COL9A1: variants seen among roughly 807,000 people sequenced by gnomAD.
The protein encoded by COL9A1 is collagen alpha-1(IX) chain.
In COL9A1, 104 loss-of-function variants were observed where a neutral mutation model predicts 142.6. The ratio of observed to expected loss-of-function variants is 0.73; its 90% CI spans 0.62 to 0.86. The LOEUF is 0.86. COL9A1 is among the 40% of genes least tolerant of loss of function. The pLI is 0.00. For synonymous variants in COL9A1, 466 were observed against 396.0 expected, an observed-to-expected ratio of 1.18 and a Z score of -2.10; for missense variants, 1,210 against 1,176.6, an observed-to-expected ratio of 1.03 and a Z score of -0.42.
At position 70,294,186 on chromosome 6, in the gene COL9A1, T is replaced by G. The variant is rs1205720905; in HGVS notation, c.677A>C (p.Asn226Thr). 1 of 1,613,892 alleles carries G rather than the reference T, an allele frequency of 6.2e-7. No homozygotes were observed. The highest frequency in any genetic ancestry group is 8.5e-7 in the Non-Finnish European group (1 of 1,179,924). Residue 226 changes from asparagine to threonine, a missense_variant, in exon 5 of 38, where the codon AAT becomes ACT. Coordinates refer to ENST00000357250, the MANE Select transcript of COL9A1 (RefSeq NM_001851.6). ...ACTTACTGGAACAGAAACTTGAGGA[T>G]TATCTGCAAGTTTTCCCAGCACAGC... is the stretch of plus-strand genomic sequence containing the variant. ...GFAVLGKLAD[N>T]PQVSVPFELQ...
Position 70,217,086 on chromosome 6 carries a change from AAC to A in COL9A1, c.2582-7_2582-6del, listed in dbSNP as rs773034538. ...AGCTGGCAGGGCCTGGGTCACCTGA[AAC>A]ACACAGAAGATTGCACATGTGAACA... On this transcript the variant is annotated splice_polypyrimidine_tract_variant and splice_region_variant and intron_variant, in intron 37 of 37. Coordinates refer to ENST00000357250, the MANE Select transcript of COL9A1 (RefSeq NM_001851.6). 8.1e-6 allele frequency: 13 copies of A among 1,613,802 alleles called. No homozygotes were observed. Among genetic ancestry groups the A allele is most frequent in the Non-Finnish European group, 1.1e-5 (13 of 1,179,986 alleles).
chr6:70,259,932 C>T (rs1168569717), intron 20 of COL9A1, among the ~76,000 whole-genome samples: 1 of 152,012 alleles, frequency 6.6e-6, no homozygotes, highest in African/African-American at 2.4e-5. Context: ...GCTCATGGAT[C>T]AGCTTGCAGG....
At chr6:70,288,812 T>C in intron 5 of COL9A1, among the ~76,000 whole-genome samples, 1 of 152,156 alleles carries the variant, frequency 6.6e-6, no homozygotes, top group East Asian at 1.9e-4. Context: ...AATATCCTGC[T>C]TCATTTTTCC....
At chr6:70,269,506 G>T in intron 16 of COL9A1, 127 bp downstream of exon 16, 1 of 714,448 alleles carries the variant, frequency 1.4e-6, no homozygotes, top group Middle Eastern at 2.4e-4. Flanking sequence ...AGACTGCTCT[G>T]CCATTTGAGT....
At chr6:70,280,081 AT>A in intron 10 of COL9A1, 2 of 671,626 alleles carry the variant, frequency 3.0e-6, no homozygotes, top group South Asian at 1.7e-5. Context: ...TCCTGAAGTC[AT>A]TTTACTCTGA....
chr6:70,286,660 T>C (rs535383470), intron 5 of COL9A1, among the ~76,000 whole-genome samples: 1 of 152,336 alleles, frequency 6.6e-6, no homozygotes, highest in South Asian at 2.1e-4. Flanking sequence ...AATGTTAGTT[T>C]ATACCATCAT....
intron 4 of COL9A1, among the ~76,000 whole-genome samples, chr6:70,298,599 G>C (rs1185295542): frequency 6.6e-6 from 1 of 152,122 alleles, no homozygotes; most frequent in Non-Finnish European, 1.5e-5. Flanking sequence ...GACAGCTCTA[G>C]ACAACAACGA....
At chr6:70,269,444 A>G (rs1772251461) in intron 16 of COL9A1, among the ~76,000 whole-genome samples, 189 bp downstream of exon 16, 1 of 152,240 alleles carries the variant, frequency 6.6e-6, no homozygotes, top group Admixed American at 6.5e-5. Flanking sequence ...TACATCTATA[A>G]TGAAAAATTA....
intron 5 of COL9A1, among the ~76,000 whole-genome samples, chr6:70,291,592 A>G (rs1051886181): frequency 6.6e-6 from 1 of 152,184 alleles, no homozygotes; most frequent in Non-Finnish European, 1.5e-5. Context: ...CAATATTTAC[A>G]TACTCAATGA....
intron 20 of COL9A1, among the ~76,000 whole-genome samples, chr6:70,259,721 T>C (rs1178345866): frequency 6.6e-6 from 1 of 152,136 alleles, no homozygotes; most frequent in Non-Finnish European, 1.5e-5. Context: ...CTCTTTTGCT[T>C]GCATTGTAGT....
Position 70,300,326 on chromosome 6 carries a change from C to T in COL9A1, c.149G>A (p.Gly50Asp). 1 of 1,613,622 alleles carries T rather than the reference C, an allele frequency of 6.2e-7. No individual in the cohort carries two copies. Among genetic ancestry groups the T allele is most frequent in the Non-Finnish European group, 8.5e-7 (1 of 1,179,732 alleles). Residue 50 changes from glycine to aspartate, a missense_variant, in exon 3 of 38, where the codon GGC becomes GAC. Physicochemically the swap from Gly to Asp is moderately conservative, Grantham distance 94. Coordinates refer to ENST00000357250, the MANE Select transcript of COL9A1 (RefSeq NM_001851.6). Reference sequence around the variant, plus strand: ...CTACTCACCTGGTAAGTCATCTTGGCCAATCCTGATCTTTGGACAGAGTTC... The same window carrying T: ...CTACTCACCTGGTAAGTCATCTTGGTCAATCCTGATCTTTGGACAGAGTTC... ...GNELCPKIRI[G>D]QDDLPGFDLI... is the part of the protein sequence containing the mutation.
At chr6:70,264,302 A>G (rs1010165350) in intron 18 of COL9A1, among the ~76,000 whole-genome samples, 10 of 152,092 alleles carry the variant, frequency 6.6e-5, no homozygotes, top group African/African-American at 2.2e-4. Context: ...CTAGGACTGC[A>G]TTAAATTAAT....
intron 37 of COL9A1, among the ~76,000 whole-genome samples, chr6:70,224,280 C>T (rs1055811932): frequency 1.3e-5 from 2 of 152,100 alleles, no homozygotes; most frequent in Non-Finnish European, 2.9e-5. Context: ...CTGTGTGCCC[C>T]GTTTGCGCCC....
At chr6:70,287,699 C>T (rs1478390635) in intron 5 of COL9A1, among the ~76,000 whole-genome samples, 1 of 152,208 alleles carries the variant, frequency 6.6e-6, no homozygotes, top group African/African-American at 2.4e-5. Context: ...TGGGTCTTTT[C>T]TCAAGATCAC....
At position 70,242,698 on chromosome 6, in the gene COL9A1, T is replaced by C; in HGVS notation, c.1890A>G (p.Leu630=). The change falls in exon 29 of 38, where the codon TTA becomes TTG. Residue 630 remains leucine (L), a synonymous_variant. Coordinates refer to ENST00000357250, the MANE Select transcript of COL9A1 (RefSeq NM_001851.6). Reference sequence around the variant, plus strand: ...GTAGGCCTGGGGATCCCACTGGTCCTAATTCTCCTCTACTGCCCTGTAAAA... The same window carrying C: ...GTAGGCCTGGGGATCCCACTGGTCCCAATTCTCCTCTACTGCCCTGTAAAA... ...PQGLPGSRGE[L]GPVGSPGLPG... 1 of 1,614,198 alleles carries C rather than the reference T, an allele frequency of 6.2e-7. No individual in the cohort carries two copies. The highest frequency in any genetic ancestry group is 8.5e-7 in the Non-Finnish European group (1 of 1,180,000).
At chr6:70,283,205 G>C (rs1460998065) in intron 6 of COL9A1, 3 of 1,467,476 alleles carry the variant, frequency 2.0e-6, no homozygotes, top group Non-Finnish European at 2.7e-6. Context: ...CCCGGGAGGC[G>C]CGCGTTCCCC....
chr6:70,271,590 G>T, intron 14 of COL9A1, 65 bp downstream of exon 14: 2 of 1,459,360 alleles, frequency 1.4e-6, no homozygotes, highest in Non-Finnish European at 9.6e-7. Flanking sequence ...AGGGTAATTT[G>T]CTTTCCCAAA....
At chr6:70,279,907 A>G (rs1292967435) in intron 10 of COL9A1, 2 of 537,770 alleles carry the variant, frequency 3.7e-6, no homozygotes, top group Non-Finnish European at 3.5e-6. Flanking sequence ...GAAAACACAT[A>G]AAGTGGTAAC....
chr6:70,232,534 A>T (rs1022948354), intron 36 of COL9A1, 49 bp downstream of exon 36: 5 of 1,587,826 alleles, frequency 3.1e-6, no homozygotes, highest in Admixed American at 3.3e-5. Flanking sequence ...CAGATTATAC[A>T]TCTGAAAAAG....
Sources: allele counts gnomAD v4.1 joint callset (sites outside exome capture counted in the v4.1 genomes callset), GRCh38; gene constraint gnomAD v4.1.1; transcripts MANE v1.5; gene names NCBI Gene and HGNC (gene_info 2026-07-23, HGNC 2026-07-21).